The following TMEM132C variants were observed in gnomAD, a reference collection of about 807,000 sequenced individuals.
TMEM132C encodes the protein transmembrane protein 132C.
TMEM132C carries 29 observed loss-of-function variants against 61.4 expected under a neutral mutation model. The observed-to-expected ratio is 0.47, with a 90% CI of 0.35 to 0.64. The LOEUF is 0.64. Among genes scored for constraint, TMEM132C ranks in the 30% least tolerant of loss-of-function variants. The probability of loss-of-function intolerance (pLI) is 0.00; values close to 1 mark genes in which losing one functional copy is unlikely to be tolerated. For synonymous variants in TMEM132C, 656 were observed against 633.1 expected (o/e 1.04, Z -0.54); for missense variants, 1,408 against 1,476.9 (o/e 0.95, Z 0.76).
At chr12:128,593,430 A>G (rs1374947814) in intron 3 of TMEM132C, among the ~76,000 whole-genome samples, 1 of 152,146 alleles carries the variant, frequency 6.6e-6, no homozygotes, top group African/African-American at 2.4e-5. Context: ...CTCTCCAGGC[A>G]AGCCCATGAC....
intron 2 of TMEM132C, among the ~76,000 whole-genome samples, chr12:128,462,231 T>G (rs1870556096): frequency 6.6e-6 from 1 of 152,146 alleles, no homozygotes; most frequent in Non-Finnish European, 1.5e-5. Flanking sequence ...GTCAGCCTCC[T>G]AGTAGCTAGG....
At chr12:128,373,495 T>A (rs1263083610) in intron 1 of TMEM132C, among the ~76,000 whole-genome samples, 1 of 152,126 alleles carries the variant, frequency 6.6e-6, no homozygotes, top group African/African-American at 2.4e-5. Flanking sequence ...AAAGAGAGAA[T>A]GAATATTGGG....
intron 1 of TMEM132C, among the ~76,000 whole-genome samples, chr12:128,371,664 C>T (rs1874031540): frequency 6.6e-6 from 1 of 152,296 alleles, no homozygotes; most frequent in South Asian, 2.1e-4. Flanking sequence ...ACTCAACCTC[C>T]TGGGCCCAAG....
intron 8 of TMEM132C, among the ~76,000 whole-genome samples, chr12:128,702,565 T>C (rs1954811494): frequency 6.6e-6 from 1 of 152,172 alleles, no homozygotes. Flanking sequence ...GTTGTAACTT[T>C]TCTTTCTTTG....
intron 3 of TMEM132C, among the ~76,000 whole-genome samples, chr12:128,608,757 C>G (rs1255251395): frequency 6.6e-6 from 1 of 152,122 alleles, no homozygotes; most frequent in African/African-American, 2.4e-5. Flanking sequence ...GTAGACACAG[C>G]TATTGATAGT....
intron 2 of TMEM132C, among the ~76,000 whole-genome samples, chr12:128,485,410 C>T (rs1871453875): frequency 1.3e-5 from 2 of 152,166 alleles, no homozygotes; most frequent in African/African-American, 4.8e-5. Flanking sequence ...CTCCTGACCT[C>T]AGGTGATTCG....
At chr12:128,650,437 G>T (rs1954256640) in intron 4 of TMEM132C, among the ~76,000 whole-genome samples, 2 of 152,030 alleles carry the variant, frequency 1.3e-5, no homozygotes, top group Non-Finnish European at 2.9e-5. Flanking sequence ...AAAAAAGGTG[G>T]GGGAAGCATG....
chr12:128,465,862 A>C (rs1295320383), intron 2 of TMEM132C, among the ~76,000 whole-genome samples: 1 of 152,186 alleles, frequency 6.6e-6, no homozygotes, highest in East Asian at 1.9e-4. Flanking sequence ...ATTGCCTTGC[A>C]GCAGGGCTGT....
intron 3 of TMEM132C, among the ~76,000 whole-genome samples, chr12:128,568,860 G>A (rs12320795): frequency 0.063 from 9,526 of 152,228 alleles, 865 homozygotes; most frequent in African/African-American, 0.2. Context: ...CACAGTCAAT[G>A]TGAAGCCAGA....
At chr12:128,482,497 G>A (rs544644660) in intron 2 of TMEM132C, among the ~76,000 whole-genome samples, 9 of 152,286 alleles carry the variant, frequency 5.9e-5, no homozygotes, top group Middle Eastern at 3.4e-3. Context: ...CATAAAATGA[G>A]TTAGGGAAAA....
At chr12:128,321,961 C>G (rs1381472056) in intron 1 of TMEM132C, among the ~76,000 whole-genome samples, 1 of 152,090 alleles carries the variant, frequency 6.6e-6, no homozygotes, top group Non-Finnish European at 1.5e-5. Context: ...GGACTTTGGC[C>G]CACCTGAAGT....
chr12:128,276,690 G>A (rs966461496), intron 1 of TMEM132C, among the ~76,000 whole-genome samples: 13 of 152,208 alleles, frequency 8.5e-5, no homozygotes, highest in Non-Finnish European at 1.5e-4. Context: ...CCATAATTAT[G>A]TTTACTTTTG....
At chr12:128,526,903 G>A (rs1873104422) in intron 2 of TMEM132C, among the ~76,000 whole-genome samples, 1 of 152,188 alleles carries the variant, frequency 6.6e-6, no homozygotes, top group Non-Finnish European at 1.5e-5. Flanking sequence ...GGGAGCAACA[G>A]CATGGGGAAC....
chr12:128,606,406 T>A (rs554307010), intron 3 of TMEM132C, among the ~76,000 whole-genome samples: 44 of 152,348 alleles, frequency 2.9e-4, no homozygotes, highest in African/African-American at 1.0e-3. Context: ...CTCTCCTCTC[T>A]TAAGGGCTTC....
At chr12:128,653,082 T>C (rs1954288693) in intron 4 of TMEM132C, among the ~76,000 whole-genome samples, 1 of 152,190 alleles carries the variant, frequency 6.6e-6, no homozygotes, top group Non-Finnish European at 1.5e-5. Flanking sequence ...TATAATAGAA[T>C]ATTATCAGGC....
Position 128,705,700 on chromosome 12 carries a change from A to T in TMEM132C, c.2732A>T (p.Asn911Ile). 1 of 1,551,410 alleles carries T rather than the reference A, an allele frequency of 6.4e-7. No individual in the cohort carries two copies. Among genetic ancestry groups the T allele is most frequent in the East Asian group, 2.4e-5 (1 of 40,896 alleles). ...AAGGCCGGGAGTGGGCTGGAGGAAA[A>T]CGACCTGGTGCAGACTCCGCGGGGC... ...LPKAGSGLEENDLVQTPRGLS... is the reference protein window; with the variant it reads ...LPKAGSGLEEIDLVQTPRGLS... The change falls in exon 9 of 9, where the codon AAC (asparagine) becomes ATC (isoleucine). Residue 911 changes from asparagine (N) to isoleucine (I), a missense_variant. By Grantham distance (149) the Asn-to-Ile change is moderately radical (BLOSUM62 -3). Coordinates refer to ENST00000435159, the MANE Select transcript of TMEM132C (RefSeq NM_001136103.3).
chr12:128,578,772 A>G (rs1310850967), intron 3 of TMEM132C, among the ~76,000 whole-genome samples: 1 of 151,754 alleles, frequency 6.6e-6, no homozygotes, highest in Non-Finnish European at 1.5e-5. Flanking sequence ...TAATTTTTGT[A>G]TTTTTAGTAG....
At chr12:128,589,781 G>T (rs887847172) in intron 3 of TMEM132C, among the ~76,000 whole-genome samples, 1 of 151,934 alleles carries the variant, frequency 6.6e-6, no homozygotes, top group Non-Finnish European at 1.5e-5. Flanking sequence ...CCTCTTATCA[G>T]CAGTGCAGCC....
At chr12:128,399,173 T>C (rs754256660) in intron 1 of TMEM132C, among the ~76,000 whole-genome samples, 4 of 152,170 alleles carry the variant, frequency 2.6e-5, no homozygotes, top group Non-Finnish European at 4.4e-5. Flanking sequence ...GGGGGAAAAA[T>C]GCGGAAGACT....
Sources: gnomAD v4.1 joint callset for allele counts (sites outside exome capture counted in the v4.1 genomes callset) on GRCh38, gnomAD v4.1.1 for gene constraint, MANE v1.5 for transcripts, NCBI Gene and HGNC (gene_info 2026-07-23, HGNC 2026-07-21) for gene names.